PCDHGA7: variants seen among roughly 807,000 people sequenced by gnomAD.
PCDHGA7 encodes the protein protocadherin gamma subfamily A, 7, also known as protocadherin gamma-A7.
Under a neutral mutation model 58.3 loss-of-function variants are expected in PCDHGA7, and 44 were observed. That is an observed-to-expected ratio of 0.75 (90% confidence interval 0.59 to 0.97). PCDHGA7 has a LOEUF of 0.97. Among genes scored for constraint, PCDHGA7 ranks in the 50% least tolerant of loss-of-function variants. The pLI is 0.00. For synonymous variants in PCDHGA7, 516 were observed against 504.2 expected, an observed-to-expected ratio of 1.02 and a Z score of -0.31; for missense variants, 1,266 against 1,188.7, an observed-to-expected ratio of 1.06 and a Z score of -0.96.
At chr5:141,408,478 T>C (rs1433834175) in intron 1 of PCDHGA7, 1 of 1,614,056 alleles carries the variant, frequency 6.2e-7, no homozygotes, top group Non-Finnish European at 8.5e-7. Context: ...GAATAGACCG[T>C]GAGCAAATAT....
intron 1 of PCDHGA7, chr5:141,424,664 A>T (rs923488035): frequency 6.6e-6 from 1 of 152,124 alleles, no homozygotes; most frequent in African/African-American, 2.4e-5. Flanking sequence ...CTTTAATTAA[A>T]CTGATTTAGC....
intron 1 of PCDHGA7, among the ~76,000 whole-genome samples, chr5:141,465,984 T>C (rs11953841): frequency 0.18 from 27,399 of 151,848 alleles, 2,640 homozygotes; most frequent in Admixed American, 0.28. Context: ...TAGCCGGGCA[T>C]GGTGGCAGGC....
chr5:141,417,659 A>G, intron 1 of PCDHGA7: 1 of 869,514 alleles, frequency 1.2e-6, no homozygotes, highest in Non-Finnish European at 1.7e-6. Context: ...CTAGCCTGGG[A>G]TTCCCTGCGC....
chr5:141,408,243 G>A lies in PCDHGA7; in HGVS notation c.2424+22920G>A, dbSNP rs372221747. ...GCGCAGAGGCGCCGGGCCGGCCCGC[G>A]GCAGGTGCTATTTCCTTTGCTGCTG... On this transcript the variant is annotated intron_variant, in intron 1 of 3. Transcript: ENST00000518325. 7 of 1,583,996 alleles carry A rather than the reference G, an allele frequency of 4.4e-6. 1 individual carries two copies. The highest frequency in any genetic ancestry group is 5.2e-6 in the Non-Finnish European group (6 of 1,164,814).
chr5:141,431,066 CAATT>C lies in PCDHGA7; in HGVS notation c.2424+45746_2424+45749del, dbSNP rs762972663. ...GCTCTGTATGGGGGCCATCAAGTGT[CAATT>C]AAATCTAGACATTCTGATGGAGGAT... On this transcript the variant is annotated intron_variant, in intron 1 of 3. Transcript: ENST00000518325. This position sits in a 1 kb window ranked among gnomAD's most constrained non-coding sequence, Gnocchi z 4.8. 9 of 1,614,042 alleles carry C rather than the reference CAATT, an allele frequency of 5.6e-6. No individual in the cohort carries two copies. The East Asian group carries it at 2.0e-4, about 36-fold the overall frequency.
At chr5:141,507,704 G>A (rs989196400) in intron 3 of PCDHGA7, among the ~76,000 whole-genome samples, 5 of 152,210 alleles carry the variant, frequency 3.3e-5, no homozygotes, top group African/African-American at 9.6e-5. Context: ...AGTATTTATG[G>A]CCCCAAACCC....
intron 2 of PCDHGA7, among the ~76,000 whole-genome samples, chr5:141,499,256 A>G (rs371266271): frequency 6.6e-6 from 1 of 151,968 alleles, no homozygotes; most frequent in Non-Finnish European, 1.5e-5. Context: ...AAGAGTCTCC[A>G]TTTGGTCCCT....
intron 1 of PCDHGA7, chr5:141,478,148 C>A: frequency 6.2e-7 from 1 of 1,614,066 alleles, no homozygotes; most frequent in Non-Finnish European, 8.5e-7. Flanking sequence ...AGCCGAGTTC[C>A]CCTCTGGCTC....
Position 141,383,623 on chromosome 5 carries a change from T to C in PCDHGA7, c.724T>C (p.Phe242Leu). Residue 242 changes from phenylalanine to leucine, a missense_variant, in exon 1 of 4, where the codon TTC (phenylalanine) becomes CTC (leucine). By Grantham distance (22) the Phe-to-Leu change is conservative. Coordinates refer to ENST00000518325, the MANE Select transcript of PCDHGA7 (RefSeq NM_018920.4). ...VVDVNDHTPV[F>L]SLPQYQVTVP... The stretch of plus-strand genomic sequence containing the variant: ...GGATGTGAATGACCACACGCCTGTC[T>C]TCTCTCTGCCTCAGTACCAAGTAAC... The C allele has an allele frequency of 6.2e-7, 1 of 1,613,932 alleles. No homozygotes were observed. The highest frequency in any genetic ancestry group is 1.1e-5 in the South Asian group (1 of 91,084).
At chr5:141,385,503 C>A in intron 1 of PCDHGA7, 180 bp downstream of exon 1, 1 of 1,379,554 alleles carries the variant, frequency 7.2e-7, no homozygotes, top group Non-Finnish European at 9.4e-7. Context: ...TATAGTATTT[C>A]TTTAGTGAAA....
chr5:141,383,138 G>A lies in PCDHGA7; in HGVS notation c.239G>A (p.Arg80His), dbSNP rs538619604. The A allele has an allele frequency of 3.5e-5, 56 of 1,614,132 alleles. No homozygotes were observed. The highest frequency in any genetic ancestry group is 2.7e-4 in the Admixed American group (16 of 60,032). ...ACGCAGCTTTTCGCCCTGAACCAGC[G>A]CAGCGGCAGCTTGGTCACTGCGGGC... ...GRTQLFALNQ[R>H]SGSLVTAGRI... Residue 80 changes from arginine to histidine, a missense_variant, in exon 1 of 4, where the codon CGC becomes CAC. By Grantham distance (29) the Arg-to-His change is conservative. Coordinates refer to ENST00000518325, the MANE Select transcript of PCDHGA7 (RefSeq NM_018920.4).
In PCDHGA7 at chr5:141,385,135, G is replaced by T. The variant is rs948872903; in HGVS notation, c.2236G>T (p.Val746Leu). ...PTSHFVGMDG[V>L]QAFLQTYSHE... ...CTCGCACTTTGTGGGCATGGACGGG[G>T]TGCAGGCTTTCCTGCAGACCTATTC... Residue 746 changes from valine (V) to leucine (L), a missense_variant, in exon 1 of 4, where the codon GTG becomes TTG. Transcript: ENST00000518325. The T allele has an allele frequency of 4.3e-6, 7 of 1,614,214 alleles. No homozygotes were observed. The highest frequency in any genetic ancestry group is 2.7e-5 in the African/African-American group (2 of 75,066).
intron 1 of PCDHGA7, chr5:141,399,510 C>T: frequency 6.2e-7 from 1 of 1,614,040 alleles, no homozygotes; most frequent in Non-Finnish European, 8.5e-7. Context: ...CCGAAAACAA[C>T]CCTCCTGGGG....
At chr5:141,433,082 T>C in intron 1 of PCDHGA7, 1 of 1,614,188 alleles carries the variant, frequency 6.2e-7, no homozygotes. Flanking sequence ...CCAGCCCAAC[T>C]ATGCAGACAT....
intron 1 of PCDHGA7, chr5:141,428,251 T>C (rs761574102): frequency 1.1e-5 from 10 of 893,496 alleles, no homozygotes; most frequent in Middle Eastern, 2.1e-4. Flanking sequence ...ACTGCCAGAC[T>C]TCAGTGACAG....
intron 2 of PCDHGA7, among the ~76,000 whole-genome samples, chr5:141,499,800 C>A (rs2099794584): frequency 6.6e-6 from 1 of 150,704 alleles, no homozygotes; most frequent in Admixed American, 6.7e-5. Context: ...AATTCTCATG[C>A]TTCAGCCTCC....
At chr5:141,390,029 C>A in intron 1 of PCDHGA7, 1 of 1,614,086 alleles carries the variant, frequency 6.2e-7, no homozygotes, top group Non-Finnish European at 8.5e-7. Flanking sequence ...GCCTGCGACG[C>A]TCCTCCAGCC....
chr5:141,512,712 A>G lies in PCDHGA7; in HGVS notation c.*1539A>G, dbSNP rs1362654237. 1 of 152,806 alleles carries G rather than the reference A, an allele frequency of 6.5e-6. No homozygotes were observed. The highest frequency in any genetic ancestry group is 2.4e-5 in the African/African-American group (1 of 41,414). 9.5% of individuals were successfully genotyped at this position (152,806 alleles called of 1,614,324 possible). On this transcript the variant is annotated 3_prime_UTR_variant, in exon 4 of 4. Coordinates refer to ENST00000518325, the MANE Select transcript of PCDHGA7 (RefSeq NM_018920.4). Reference sequence around the variant, plus strand: ...GTGTAGTGCGGTGTGCTTTTACGTGATGGCGGGTGGGCAGCGGGCGGCGGG... The same window carrying G: ...GTGTAGTGCGGTGTGCTTTTACGTGGTGGCGGGTGGGCAGCGGGCGGCGGG...
chr5:141,418,998 G>A (rs757681244), intron 1 of PCDHGA7: 4 of 1,613,940 alleles, frequency 2.5e-6, no homozygotes, highest in South Asian at 2.2e-5. Context: ...GGGGAAAATG[G>A]GGAAGTCAGG....
Sources: allele counts gnomAD v4.1 joint callset (sites outside exome capture counted in the v4.1 genomes callset), GRCh38; gene constraint gnomAD v4.1.1; non-coding constraint Gnocchi (gnomAD v3.1); transcripts MANE v1.5; gene names NCBI Gene and HGNC (gene_info 2026-07-23, HGNC 2026-07-21).